The following FAT1 variants were observed in gnomAD, a reference collection of about 807,000 sequenced individuals.
The protein encoded by FAT1 is FAT atypical cadherin 1, also known as protocadherin Fat 1.
Under a neutral mutation model 329.8 loss-of-function variants are expected in FAT1, and 171 were observed. The observed-to-expected ratio is 0.52, with a 90% CI of 0.46 to 0.59. The LOEUF is 0.59. Among genes scored for constraint, FAT1 ranks in the 20% least tolerant of loss-of-function variants. FAT1 has a pLI of 0.00. For missense variants in FAT1, 5,672 were observed against 5,774.4 expected, an observed-to-expected ratio of 0.98 and a Z score of 0.57; for synonymous variants, 2,233 against 2,228.6, an observed-to-expected ratio of 1.00 and a Z score of -0.06.
chr4:186,614,217 T>G lies in FAT1; in HGVS notation c.9203A>C (p.Glu3068Ala). 6.3e-7 allele frequency: 1 copy of G among 1,599,876 alleles called. No homozygotes were observed. Among genetic ancestry groups the G allele is most frequent in the Non-Finnish European group, 8.5e-7 (1 of 1,175,902 alleles). ...ITYTLLGSGA[E>A]KFKLNPDTGE... ...TGTGTCTGGATTTAGTTTGAATTTT[T>G]CTGCACCTGAACCCAATAACGTGTA... Residue 3068 changes from glutamate (E) to alanine (A), a missense_variant, in exon 12 of 27, where the codon GAA becomes GCA. Around this residue, in one of 2 missense-constraint regions of FAT1, gnomAD observed 3,966 missense variants for 3,915.2 expected, o/e 1.01. Coordinates refer to ENST00000441802, the MANE Select transcript of FAT1 (RefSeq NM_005245.4).
intron 3 of FAT1, among the ~76,000 whole-genome samples, chr4:186,646,738 A>G (rs1436057539): frequency 6.6e-6 from 1 of 152,006 alleles, no homozygotes; most frequent in African/African-American, 2.4e-5. Flanking sequence ...AAAAAAAAAA[A>G]AAAGTAAAAC....
At position 186,707,658 on chromosome 4, in the gene FAT1, T is replaced by C. The variant is rs912806349; in HGVS notation, c.2170A>G (p.Ile724Val). ...PQFRSTLPTG[I>V]QVKENQPVGS... ...ACAGGCTGGTTTTCCTTTACCTGAA[T>C]ACCAGTCGGAAGAGTGCTTCTAAAC... Residue 724 changes from isoleucine (I) to valine (V), a missense_variant, in exon 2 of 27, where the codon ATT becomes GTT. Physicochemically the swap from Ile to Val is conservative, Grantham distance 29. Around this residue, in one of 2 missense-constraint regions of FAT1, gnomAD observed 3,966 missense variants for 3,915.2 expected, o/e 1.01. Transcript: ENST00000441802. 6.2e-7 allele frequency: 1 copy of C among 1,614,002 alleles called. No homozygotes were observed. Among genetic ancestry groups the C allele is most frequent in the Admixed American group, 1.7e-5 (1 of 60,020 alleles).
intron 2 of FAT1, among the ~76,000 whole-genome samples, chr4:186,692,716 C>T (rs1235043597): frequency 1.4e-5 from 2 of 138,860 alleles, no homozygotes; most frequent in African/African-American, 3.0e-5. Context: ...TATTTCCACG[C>T]CCCCCAGTCT....
rs551252856 is a variant in FAT1, at chr4:186,666,458, C to T, written c.3266-2845G>A. On this transcript the variant is annotated intron_variant, in intron 2 of 26. Coordinates refer to ENST00000441802, the MANE Select transcript of FAT1 (RefSeq NM_005245.4). ...TCAGGGGATAACAGAATGTTCTCTC[C>T]GGGAGGATTACACATTAACAAAATG... Among the ~76,000 whole-genome samples, 17 of 152,250 alleles carry T rather than the reference C, an allele frequency of 1.1e-4. No individual in the cohort carries two copies. In the South Asian group the frequency reaches 2.7e-3, roughly 24 times the overall value.
chr4:186,594,316 C>A (rs1486101273), intron 26 of FAT1, among the ~76,000 whole-genome samples: 1 of 152,052 alleles, frequency 6.6e-6, no homozygotes, highest in African/African-American at 2.4e-5. Flanking sequence ...CCGCCTTCAC[C>A]TCCCAAAGTG....
chr4:186,699,267 TA>T (rs543308509), intron 2 of FAT1, among the ~76,000 whole-genome samples: 2,633 of 150,990 alleles, frequency 0.017, 79 homozygotes, highest in African/African-American at 0.059. Flanking sequence ...TAACTTTTAT[TA>T]AAAAAAAACA....
Position 186,636,086 on chromosome 4 carries a change from A to G in FAT1, c.4122T>C (p.Ala1374=). The change falls in exon 6 of 27, where the codon GCT becomes GCC. Residue 1374 remains alanine (A), a synonymous_variant. Transcript: ENST00000441802. ...TFTVMESDPV[A]HMIGVISVEP... ...CCACAGATATTACTCCAATCATGTG[A>G]GCAACGGGGTCACTTTCCATCACAG... 1 of 1,614,020 alleles carries G rather than the reference A, an allele frequency of 6.2e-7. No homozygotes were observed. The highest frequency in any genetic ancestry group is 8.5e-7 in the Non-Finnish European group (1 of 1,179,906).
chr4:186,656,879 A>C (rs1172163498), intron 3 of FAT1, among the ~76,000 whole-genome samples: 1 of 152,222 alleles, frequency 6.6e-6, no homozygotes, highest in Non-Finnish European at 1.5e-5. Flanking sequence ...TATTGATGGC[A>C]CTTCTAAACT....
intron 2 of FAT1, among the ~76,000 whole-genome samples, chr4:186,688,662 C>CAA (rs1407601234): frequency 1.8e-4 from 24 of 132,048 alleles, no homozygotes; most frequent in East Asian, 7.1e-4. Context: ...CGCCCCCCCC[C>CAA]AAAAAAACAC....
Position 186,633,814 on chromosome 4 carries a change from T to C in FAT1, c.4193A>G (p.Tyr1398Cys), listed in dbSNP as rs775365098. ...CTTGTCCACATCGAAGTGACTGTCG[T>C]AGTTGCCACCTAATTTGGGGAAAAA... ...PLWFDITGGN[Y>C]DSHFDVDKGT... The change falls in exon 7 of 27, where the codon TAC (tyrosine) becomes TGC (cysteine). Residue 1398 changes from tyrosine to cysteine, a missense_variant. Coordinates refer to ENST00000441802, the MANE Select transcript of FAT1 (RefSeq NM_005245.4). The C allele has an allele frequency of 1.2e-6, 2 of 1,613,982 alleles. No homozygotes were observed. Among genetic ancestry groups the C allele is most frequent in the Non-Finnish European group, 1.7e-6 (2 of 1,179,888 alleles).
intron 3 of FAT1, among the ~76,000 whole-genome samples, chr4:186,643,052 C>A (rs1741175175): frequency 6.6e-6 from 1 of 152,172 alleles, no homozygotes; most frequent in East Asian, 1.9e-4. Context: ...TAGACTTCCA[C>A]TAACAAATAC....
At chr4:186,624,681 TTGC>T (rs1258642319) in intron 9 of FAT1, among the ~76,000 whole-genome samples, 2 of 152,242 alleles carry the variant, frequency 1.3e-5, no homozygotes, top group Non-Finnish European at 2.9e-5. Context: ...ACTCAATTAA[TTGC>T]TGCTAATTAA....
intron 2 of FAT1, among the ~76,000 whole-genome samples, chr4:186,688,644 A>ACCCCCCCCCCCCCCCC (rs55969318): frequency 8.1e-6 from 1 of 123,460 alleles, no homozygotes; most frequent in Admixed American, 8.1e-5. Flanking sequence ...CAGCAAGAGT[A>ACCCCCCCCCCCCCCCC]CCCCCCCCGC....
intron 3 of FAT1, among the ~76,000 whole-genome samples, chr4:186,645,256 C>T (rs137864146): frequency 1.6e-4 from 24 of 150,512 alleles, no homozygotes; most frequent in African/African-American, 4.9e-4. Flanking sequence ...ATTTCAAGGG[C>T]GGAAGAACTG....
intron 16 of FAT1, among the ~76,000 whole-genome samples, chr4:186,607,990 C>G (rs1035903734): frequency 2.2e-4 from 34 of 152,172 alleles, no homozygotes; most frequent in African/African-American, 8.0e-4. Flanking sequence ...CCTGAATATG[C>G]TATTTCCCTT....
chr4:186,691,961 T>C (rs755651555), intron 2 of FAT1, among the ~76,000 whole-genome samples: 5 of 152,232 alleles, frequency 3.3e-5, no homozygotes, highest in Non-Finnish European at 7.3e-5. Context: ...ATTATTTTTA[T>C]GTGGTTCTTT....
intron 4 of FAT1, among the ~76,000 whole-genome samples, chr4:186,638,632 CACACACACACACAT>C (rs1237993428): frequency 1.4e-5 from 2 of 145,004 alleles, no homozygotes; most frequent in Admixed American, 6.8e-5. Flanking sequence ...CACACACACA[CACACACACACACAT>C]ACACTGCACA....
rs2126494069 is a variant in FAT1, at chr4:186,618,353, T to C, written c.8233A>G (p.Ser2745Gly). 6.2e-7 allele frequency: 1 copy of C among 1,614,038 alleles called. No homozygotes were observed. The highest frequency in any genetic ancestry group is 8.5e-7 in the Non-Finnish European group (1 of 1,179,902). ...ATCACAAAGGACTCATCCCTATTGC[T>C]TTCTGGAGTATTCCCTTTGACCAGG... ...YSLVKGNTPE[S>G]NRDESFVIDR... The change falls in exon 10 of 27, where the codon AGC becomes GGC. Residue 2745 changes from serine (S) to glycine (G), a missense_variant. Ser to Gly is a moderately conservative substitution (Grantham distance 56). Coordinates refer to ENST00000441802, the MANE Select transcript of FAT1 (RefSeq NM_005245.4).
chr4:186,633,627 A>C, intron 7 of FAT1, 57 bp downstream of exon 7: 2 of 1,603,276 alleles, frequency 1.2e-6, no homozygotes, highest in South Asian at 2.2e-5. Flanking sequence ...TGGACCCCTA[A>C]GTCAGAACGT....
Sources: gnomAD v4.1 joint callset for allele counts (sites outside exome capture counted in the v4.1 genomes callset) on GRCh38, gnomAD v4.1.1 for gene constraint, gnomAD v4.1.1 regional missense constraint, MANE v1.5 for transcripts, NCBI Gene and HGNC (gene_info 2026-07-23, HGNC 2026-07-21) for gene names.